EPHA5: variants seen among roughly 807,000 people sequenced by gnomAD.
The protein encoded by EPHA5 is EPH receptor A5.
A neutral mutation model predicts 105.0 loss-of-function variants in EPHA5; 60 were observed. That is an observed-to-expected ratio of 0.57 (90% CI 0.46 to 0.71). The LOEUF is 0.71. EPHA5 is among the 30% of genes least tolerant of loss of function. The pLI, the probability that EPHA5 is intolerant of heterozygous loss-of-function variation, is 0.00. For missense variants in EPHA5, 1,218 were observed against 1,274.7 expected, an observed-to-expected ratio of 0.96 and a Z score of 0.68; for synonymous variants, 513 against 449.1, an observed-to-expected ratio of 1.14 and a Z score of -1.80.
At chr4:65,344,315 G>C (rs979172326) in intron 14 of EPHA5, among the ~76,000 whole-genome samples, 2 of 152,092 alleles carry the variant, frequency 1.3e-5, no homozygotes, top group African/African-American at 4.8e-5. Flanking sequence ...GAGAGCCAAG[G>C]CATACTAATA....
At chr4:65,528,504 C>T (rs1279871954) in intron 3 of EPHA5, among the ~76,000 whole-genome samples, 1 of 151,922 alleles carries the variant, frequency 6.6e-6, no homozygotes, top group African/African-American at 2.4e-5. Flanking sequence ...TAAAAAAATC[C>T]GTAGAGAATT....
chr4:65,336,087 G>A lies in EPHA5; in HGVS notation c.2634C>T (p.Ser878=), dbSNP rs2148813863. The A allele has an allele frequency of 1.2e-6, 2 of 1,612,022 alleles. No homozygotes were observed. The highest frequency in any genetic ancestry group is 2.2e-5 in the East Asian group (1 of 44,704). ...AGAGAGCAGCAGGACAATCCATGGG[G>A]CTTGGCAGACGATAGCCTTCCTCTA... is the stretch of plus-strand genomic sequence containing the variant. ...KAVEEGYRLP[S]PMDCPAALYQ... is the part of the protein sequence containing the mutation. The change falls in exon 15 of 17, where the codon AGC becomes AGT. Residue 878 remains serine (S), a synonymous_variant. Coordinates refer to ENST00000613740, the MANE Select transcript of EPHA5 (RefSeq NM_001281766.3).
chr4:65,411,363 A>G (rs1279903909), intron 7 of EPHA5, among the ~76,000 whole-genome samples: 1 of 152,096 alleles, frequency 6.6e-6, no homozygotes, highest in Non-Finnish European at 1.5e-5. Flanking sequence ...TTGACAAATG[A>G]CGGAAATGTA....
chr4:65,535,339 A>C (rs1240096404), intron 3 of EPHA5, among the ~76,000 whole-genome samples: 1 of 152,124 alleles, frequency 6.6e-6, no homozygotes. Context: ...CACAAGACAC[A>C]GAAGAATGAA....
intron 5 of EPHA5, among the ~76,000 whole-genome samples, chr4:65,488,652 T>A (rs971561012): frequency 6.6e-6 from 1 of 152,130 alleles, no homozygotes; most frequent in Non-Finnish European, 1.5e-5. Flanking sequence ...AGGTAGTAAA[T>A]GGTAAAAAAT....
At chr4:65,461,416 TG>T (rs1170198748) in intron 5 of EPHA5, among the ~76,000 whole-genome samples, 1 of 152,024 alleles carries the variant, frequency 6.6e-6, no homozygotes, top group Admixed American at 6.6e-5. Flanking sequence ...AAATATGTAA[TG>T]TTGCCGTTCT....
At chr4:65,368,253 T>C (rs906435744) in intron 8 of EPHA5, among the ~76,000 whole-genome samples, 3 of 152,094 alleles carry the variant, frequency 2.0e-5, no homozygotes, top group Non-Finnish European at 4.4e-5. Flanking sequence ...TTTCTATCCG[T>C]TTAATTAATA....
At position 65,365,019 on chromosome 4, in the gene EPHA5, T is replaced by G. The variant is rs760061845; in HGVS notation, c.2171A>C (p.Lys724Thr). 4.3e-6 allele frequency: 7 copies of G among 1,610,170 alleles called. No homozygotes were observed. Among genetic ancestry groups the G allele is most frequent in the Non-Finnish European group, 5.9e-6 (7 of 1,177,546 alleles). The change falls in exon 11 of 17, where the codon AAA becomes ACA. Residue 724 changes from lysine to threonine, a missense_variant and splice_region_variant. Lys to Thr is a moderately conservative substitution (Grantham distance 78). Coordinates refer to ENST00000613740, the MANE Select transcript of EPHA5 (RefSeq NM_001281766.3). ...NIIHLEGVVT[K>T]SKPVMIVTEY... ...GTATAATTTGCCATCATACTTACTTTTGGTCACCACACCTTCTAAATGGAT... is the reference window on the plus strand; with the variant it reads ...GTATAATTTGCCATCATACTTACTTGTGGTCACCACACCTTCTAAATGGAT...
chr4:65,586,284 T>A (rs190795280), intron 3 of EPHA5, among the ~76,000 whole-genome samples: 128 of 151,928 alleles, frequency 8.4e-4, no homozygotes, highest in Non-Finnish European at 7.8e-4. Flanking sequence ...CAATTTAATA[T>A]AACTTTTCCC....
chr4:65,598,874 G>C (rs1423367605), intron 3 of EPHA5, among the ~76,000 whole-genome samples: 2 of 152,046 alleles, frequency 1.3e-5, no homozygotes, highest in African/African-American at 4.8e-5. Context: ...GATGAGACAT[G>C]AAAGATAACT....
chr4:65,388,556 C>A (rs1453873357), intron 8 of EPHA5, among the ~76,000 whole-genome samples: 1 of 151,892 alleles, frequency 6.6e-6, no homozygotes, highest in South Asian at 2.1e-4. Context: ...ATTTGCATTT[C>A]TCTGATGGCC....
intron 5 of EPHA5, among the ~76,000 whole-genome samples, chr4:65,444,575 C>G (rs779197105): frequency 4.4e-4 from 67 of 152,198 alleles, no homozygotes; most frequent in Non-Finnish European, 7.2e-4. Flanking sequence ...TGGCTCAGTC[C>G]TGCACAGTGT....
intron 12 of EPHA5, among the ~76,000 whole-genome samples, chr4:65,352,402 A>G (rs149335840): frequency 6.6e-5 from 10 of 152,188 alleles, no homozygotes; most frequent in South Asian, 2.1e-4. Flanking sequence ...ATGTTTAATC[A>G]GGCCTGCAAA....
intron 8 of EPHA5, among the ~76,000 whole-genome samples, chr4:65,369,014 T>C (rs186568997): frequency 6.6e-6 from 1 of 152,298 alleles, no homozygotes; most frequent in Non-Finnish European, 1.5e-5. Flanking sequence ...CCTCATGTGA[T>C]TTCTAGTCTA....
At chr4:65,664,084 C>T (rs1232881193) in intron 1 of EPHA5, among the ~76,000 whole-genome samples, 6 of 151,812 alleles carry the variant, frequency 4.0e-5, no homozygotes, top group Non-Finnish European at 8.9e-5. Context: ...GAACTGAATA[C>T]AAACAAATGT....
chr4:65,350,117 G>C (rs1371923224), intron 13 of EPHA5, among the ~76,000 whole-genome samples: 1 of 152,038 alleles, frequency 6.6e-6, no homozygotes, highest in Non-Finnish European at 1.5e-5. Context: ...AATCACACTG[G>C]CAATGGATAG....
intron 5 of EPHA5, among the ~76,000 whole-genome samples, chr4:65,459,735 A>G (rs1469409992): frequency 6.6e-6 from 1 of 151,904 alleles, no homozygotes; most frequent in African/African-American, 2.4e-5. Flanking sequence ...AAATTTTTAT[A>G]TTTATGCATT....
intron 2 of EPHA5, among the ~76,000 whole-genome samples, chr4:65,624,630 G>T (rs1415755227): frequency 6.6e-6 from 1 of 152,098 alleles, no homozygotes; most frequent in African/African-American, 2.4e-5. Flanking sequence ...AATAAAAATT[G>T]CTTTACTTCA....
At chr4:65,519,768 C>A (rs923965085) in intron 3 of EPHA5, among the ~76,000 whole-genome samples, 2 of 152,054 alleles carry the variant, frequency 1.3e-5, no homozygotes, top group African/African-American at 2.4e-5. Flanking sequence ...GAGTGAATGT[C>A]CATTCACCAT....
Sources: gnomAD v4.1 joint callset for allele counts (sites outside exome capture counted in the v4.1 genomes callset) on GRCh38, gnomAD v4.1.1 for gene constraint, MANE v1.5 for transcripts, NCBI Gene and HGNC (gene_info 2026-07-23, HGNC 2026-07-21) for gene names.